Variants in ZCCHC24 observed in about 807,000 individuals in gnomAD.
ZCCHC24 encodes the protein zinc finger CCHC domain-containing protein 24.
ZCCHC24 carries 10 observed loss-of-function variants against 26.2 expected under a neutral mutation model. That is an observed-to-expected ratio of 0.38 (90% CI 0.24 to 0.65). The LOEUF is 0.65. Among genes scored for constraint, ZCCHC24 ranks in the 30% least tolerant of loss-of-function variants. The probability of loss-of-function intolerance (pLI) is 0.54; values close to 1 mark genes in which losing one functional copy is unlikely to be tolerated. For synonymous variants in ZCCHC24, 144 were observed against 147.1 expected, an observed-to-expected ratio of 0.98 and a Z score of 0.15; for missense variants, 243 against 329.1, an observed-to-expected ratio of 0.74 and a Z score of 2.03.
chr10:79,388,691 A>T (rs1401194350), intron 3 of ZCCHC24, among the ~76,000 whole-genome samples: 1 of 152,208 alleles, frequency 6.6e-6, no homozygotes, highest in African/African-American at 2.4e-5. Context: ...GGCCAGACTC[A>T]GCAGGCCCCA....
At chr10:79,405,709 G>A (rs2132189259) in intron 2 of ZCCHC24, among the ~76,000 whole-genome samples, 1 of 152,366 alleles carries the variant, frequency 6.6e-6, no homozygotes. Flanking sequence ...GCCTCAGCCT[G>A]GAGTGAGGCT....
intron 2 of ZCCHC24, among the ~76,000 whole-genome samples, chr10:79,398,302 G>C (rs1031846185): frequency 5.9e-5 from 9 of 152,194 alleles, no homozygotes; most frequent in Admixed American, 5.2e-4. Context: ...AACTCTCTGT[G>C]CCTTGGTTTC....
At chr10:79,424,773 G>T (rs183484325) in intron 2 of ZCCHC24, among the ~76,000 whole-genome samples, 1 of 152,100 alleles carries the variant, frequency 6.6e-6, no homozygotes, top group South Asian at 2.1e-4. Flanking sequence ...CCCCAGGAGC[G>T]CCTGCTGTGG....
At chr10:79,444,608 G>A (rs566907188) in intron 1 of ZCCHC24, among the ~76,000 whole-genome samples, 1 of 152,210 alleles carries the variant, frequency 6.6e-6, no homozygotes, top group Non-Finnish European at 1.5e-5. Flanking sequence ...GCTGGGGGAG[G>A]GCGAGCAGCT....
chr10:79,416,494 A>G (rs772736019), intron 2 of ZCCHC24, among the ~76,000 whole-genome samples: 19 of 151,948 alleles, frequency 1.3e-4, no homozygotes, highest in Non-Finnish European at 2.8e-4. Context: ...TAAGGTGGGG[A>G]GGAGGGGATT....
At chr10:79,438,035 C>A (rs775229928) in intron 1 of ZCCHC24, among the ~76,000 whole-genome samples, 4 of 152,066 alleles carry the variant, frequency 2.6e-5, no homozygotes, top group Non-Finnish European at 4.4e-5. Context: ...ACAGTGAGAC[C>A]ATGGAAAAGG....
At chr10:79,393,788 GCC>G (rs1178663235) in intron 3 of ZCCHC24, among the ~76,000 whole-genome samples, 2 of 151,906 alleles carry the variant, frequency 1.3e-5, no homozygotes, top group African/African-American at 2.4e-5. Flanking sequence ...AGGATGGCCA[GCC>G]CCCCACTTGT....
intron 2 of ZCCHC24, among the ~76,000 whole-genome samples, chr10:79,396,923 A>G (rs1856555150): frequency 6.6e-6 from 1 of 152,226 alleles, no homozygotes; most frequent in Non-Finnish European, 1.5e-5. Context: ...TGAGGAGTAA[A>G]TGCAAAACAT....
intron 1 of ZCCHC24, among the ~76,000 whole-genome samples, chr10:79,444,836 G>T (rs1411625321): frequency 6.6e-6 from 1 of 152,220 alleles, no homozygotes; most frequent in Non-Finnish European, 1.5e-5. Flanking sequence ...CTTCGAAGGG[G>T]CTCCCCGCCC....
intron 1 of ZCCHC24, among the ~76,000 whole-genome samples, chr10:79,443,381 C>A (rs1222824597): frequency 6.6e-6 from 1 of 152,166 alleles, no homozygotes; most frequent in Non-Finnish European, 1.5e-5. Context: ...AGGTGGGGAA[C>A]AATGCCACCA....
chr10:79,392,719 C>G (rs1043344824), intron 3 of ZCCHC24, among the ~76,000 whole-genome samples: 2 of 152,234 alleles, frequency 1.3e-5, no homozygotes. Context: ...CCACACCAGC[C>G]TCCCCTAACA....
At chr10:79,411,741 G>T (rs971050536) in intron 2 of ZCCHC24, among the ~76,000 whole-genome samples, 1 of 152,118 alleles carries the variant, frequency 6.6e-6, no homozygotes, top group African/African-American at 2.4e-5. Context: ...CCAGTGCTAG[G>T]GAGAGTCTGA....
chr10:79,414,953 C>CT (rs562638611), intron 2 of ZCCHC24, among the ~76,000 whole-genome samples: 146 of 152,324 alleles, frequency 9.6e-4, no homozygotes, highest in African/African-American at 3.3e-3. Context: ...TCCCCAGGCT[C>CT]TTCATCAATG....
At chr10:79,435,919 AT>A (rs914841667) in intron 1 of ZCCHC24, among the ~76,000 whole-genome samples, 4 of 95,774 alleles carry the variant, frequency 4.2e-5, no homozygotes, top group East Asian at 7.4e-4. Flanking sequence ...CCAGAGCTCT[AT>A]CCCCCTCCTG....
intron 2 of ZCCHC24, among the ~76,000 whole-genome samples, chr10:79,404,599 A>T (rs781244605): frequency 1.1e-4 from 16 of 152,110 alleles, no homozygotes; most frequent in Non-Finnish European, 1.9e-4. Flanking sequence ...TTTGAAAACC[A>T]TTTGTTGTTT....
intron 2 of ZCCHC24, among the ~76,000 whole-genome samples, chr10:79,417,080 GC>G (rs1856873543): frequency 6.6e-6 from 1 of 152,220 alleles, no homozygotes; most frequent in Admixed American, 6.5e-5. Context: ...TTTTCTGCCA[GC>G]CTTCCCCCTC....
At chr10:79,387,696 C>G (rs1364444189) in intron 3 of ZCCHC24, among the ~76,000 whole-genome samples, 1 of 152,214 alleles carries the variant, frequency 6.6e-6, no homozygotes, top group Non-Finnish European at 1.5e-5. Context: ...AGGGTGTGCT[C>G]TGTCCCCCTG....
chr10:79,416,575 G>A (rs984016268), intron 2 of ZCCHC24, among the ~76,000 whole-genome samples: 7 of 152,190 alleles, frequency 4.6e-5, no homozygotes, highest in Non-Finnish European at 7.3e-5. Flanking sequence ...ATCCCTTGAC[G>A]TCTCTGAAGA....
Position 79,382,747 on chromosome 10 carries a change from A to G in ZCCHC24, c.*3598T>C, listed in dbSNP as rs561323559. ...ATTCGTTTAGAGTAGATTCAAGTCT[A>G]TTAGATGCTGGAGGGCTGGTGTAAG... On this transcript the variant is annotated 3_prime_UTR_variant, in exon 4 of 4. Coordinates refer to ENST00000372336, the MANE Select transcript of ZCCHC24 (RefSeq NM_153367.4). 7 of 152,958 alleles carry G rather than the reference A, an allele frequency of 4.6e-5. No individual in the cohort carries two copies. The East Asian group carries it at 1.3e-3, about 29-fold the overall frequency. 9.5% of individuals were successfully genotyped at this position (152,958 alleles called of 1,614,324 possible).
Sources: gnomAD v4.1 joint callset for allele counts (sites outside exome capture counted in the v4.1 genomes callset) on GRCh38, gnomAD v4.1.1 for gene constraint, MANE v1.5 for transcripts, NCBI Gene and HGNC (gene_info 2026-07-23, HGNC 2026-07-21) for gene names.